The following MYG1 variants were observed in gnomAD, a reference collection of about 807,000 sequenced individuals.
MYG1 encodes UPF0160 protein MYG1, mitochondrial.
Under a neutral mutation model 43.5 loss-of-function variants are expected in MYG1, and 36 were observed. That is an observed-to-expected ratio of 0.83 (90% CI 0.63 to 1.09). MYG1 has a LOEUF of 1.09. MYG1 is among the 50% of genes least tolerant of loss of function. The probability of loss-of-function intolerance (pLI) is 0.00; values close to 1 mark genes in which losing one functional copy is unlikely to be tolerated. For synonymous variants in MYG1, 220 were observed against 202.8 expected (o/e 1.08, Z -0.72); for missense variants, 529 against 495.1 (o/e 1.07, Z -0.65).
chr12:53,307,048 C>A lies in MYG1; in HGVS notation c.1030C>A (p.His344Asn). The A allele has an allele frequency of 6.2e-7, 1 of 1,614,248 alleles. No homozygotes were observed. Among genetic ancestry groups the A allele is most frequent in the Non-Finnish European group, 8.5e-7 (1 of 1,180,046 alleles). ...TGGGATCCCTGGCTGCATCTTCGTC[C>A]ATGCAAGCGGCTTCACTGGCGGTCA... ...VSGIPGCIFV[H>N]ASGFTGGHHT... Residue 344 changes from histidine (H) to asparagine (N), a missense_variant, in exon 7 of 7, where the codon CAT becomes AAT. His to Asn is a moderately conservative substitution (Grantham distance 68). Transcript: ENST00000267103.
intron 2 of MYG1, among the ~76,000 whole-genome samples, chr12:53,302,156 A>G (rs534947108): frequency 6.6e-6 from 1 of 152,000 alleles, no homozygotes; most frequent in East Asian, 1.9e-4. Context: ...TAATTTTTCC[A>G]TTCTTAGTAG....
In MYG1 at chr12:53,301,634, A is replaced by T. The variant is rs180954364; in HGVS notation, c.329+1372A>T. ...CAGTTACCTCAGCACCAAACCAGGG[A>T]GCTGGTAAAGGGTCTCAACTGATCT... On this transcript the variant is annotated intron_variant, in intron 2 of 6. Transcript: ENST00000267103. Among the ~76,000 whole-genome samples the T allele has an allele frequency of 6.3e-4, 96 of 152,302 alleles. 1 individual carries two copies. The highest frequency in any genetic ancestry group is 2.2e-3 in the African/African-American group (93 of 41,564).
intron 2 of MYG1, among the ~76,000 whole-genome samples, chr12:53,300,989 G>T (rs1488319317): frequency 6.7e-6 from 1 of 149,176 alleles, no homozygotes; most frequent in Non-Finnish European, 1.5e-5. Context: ...GCACGATCTC[G>T]GCTCACTGCA....
In MYG1 at chr12:53,300,145, C is replaced by T; in HGVS notation, c.217-5C>T. 6.3e-7 allele frequency: 1 copy of T among 1,592,090 alleles called. No individual in the cohort carries two copies. Among genetic ancestry groups the T allele is most frequent in the Non-Finnish European group, 8.6e-7 (1 of 1,167,834 alleles). On this transcript the variant is annotated splice_region_variant and splice_polypyrimidine_tract_variant and intron_variant, in intron 1 of 6. Transcript: ENST00000267103. ...GCAGCCCCTTCACCCCTGTGTACCTCGCAGGATGCAGAGATTGTGCGGACC... is the reference window on the plus strand; with the variant it reads ...GCAGCCCCTTCACCCCTGTGTACCTTGCAGGATGCAGAGATTGTGCGGACC...
intron 2 of MYG1, 47 bp downstream of exon 2, chr12:53,300,309 C>T: frequency 7.2e-7 from 1 of 1,381,102 alleles, no homozygotes; most frequent in Admixed American, 2.5e-5. Context: ...CCTCAGCTTT[C>T]CTCTGTGCTC....
rs768424646 is a variant in MYG1 at position 53,300,154 on chromosome 12, C to T, written c.221C>T (p.Ala74Val). The change falls in exon 2 of 7, where the codon GCA becomes GTA. Residue 74 changes from alanine to valine, a missense_variant. Ala to Val is a moderately conservative substitution (Grantham distance 64). Transcript: ENST00000267103. Reference sequence around the variant, plus strand: ...TCACCCCTGTGTACCTCGCAGGATGCAGAGATTGTGCGGACCCGGGATCCC... The same window carrying T: ...TCACCCCTGTGTACCTCGCAGGATGTAGAGATTGTGCGGACCCGGGATCCC... ...LLRLLPEYRD[A>V]EIVRTRDPEK... 1.7e-5 allele frequency: 27 copies of T among 1,597,450 alleles called. No individual in the cohort carries two copies. The African/African-American group carries it at 3.6e-4, about 21-fold the overall frequency.
rs111635869 is a variant in MYG1 at position 53,300,636 on chromosome 12, C to T, written c.329+374C>T. ...ATGATTGTGGCAGTTGGTGACAGTT[C>T]AGATGTGTGAAGTTTTCTACTTCAT... On this transcript the variant is annotated intron_variant, in intron 2 of 6. Coordinates refer to ENST00000267103, the MANE Select transcript of MYG1 (RefSeq NM_021640.4). 3.3e-3 allele frequency among the ~76,000 whole-genome samples: 509 copies of T among 152,344 alleles called. 7 individuals are homozygous for T. Among genetic ancestry groups the T allele is most frequent in the South Asian group, 0.032 (154 of 4,834 alleles).
rs1159340945 is a variant in MYG1, at chr12:53,299,766, T to C, written c.29T>C (p.Leu10Ser). 13 of 1,613,712 alleles carry C rather than the reference T, an allele frequency of 8.1e-6. No individual in the cohort carries two copies. The Admixed American group carries it at 2.0e-4, about 25-fold the overall frequency. The change falls in exon 1 of 7, where the codon TTA (leucine) becomes TCA (serine). Residue 10 changes from leucine to serine, a missense_variant. Leu to Ser is a moderately radical substitution (Grantham distance 145, BLOSUM62 -2). Transcript: ENST00000267103. Reference sequence around the variant, plus strand: ...GGACACCAATTCCTGCGCGGCCTCTTAACGCTGCTGCTGCCGCCGCCACCC... The same window carrying C: ...GGACACCAATTCCTGCGCGGCCTCTCAACGCTGCTGCTGCCGCCGCCACCC... MGHQFLRGLLTLLLPPPPLY... is the reference protein window; with the variant it reads MGHQFLRGLSTLLLPPPPLY...
In MYG1 at chr12:53,299,764, C is replaced by G. The variant is rs1453856272; in HGVS notation, c.27C>G (p.Leu9=). 3 of 1,613,918 alleles carry G rather than the reference C, an allele frequency of 1.9e-6. No homozygotes were observed. Among genetic ancestry groups the G allele is most frequent in the African/African-American group, 1.3e-5 (1 of 75,030 alleles). Residue 9 remains leucine (L), a synonymous_variant, in exon 1 of 7, where the codon CTC becomes CTG. Transcript: ENST00000267103. The part of the protein sequence containing the change: MGHQFLRG[L]LTLLLPPPPL... ...TGGGACACCAATTCCTGCGCGGCCT[C>G]TTAACGCTGCTGCTGCCGCCGCCAC...
rs544826141 is a variant in MYG1, at chr12:53,304,811, C to G, written c.490-1097C>G. ...GTCTTGCTATGCTGCCCAGGCTGGA[C>G]TCAAAAACTCCTGGGCTCAAGTGAT... On this transcript the variant is annotated intron_variant, in intron 3 of 6. Coordinates refer to ENST00000267103, the MANE Select transcript of MYG1 (RefSeq NM_021640.4). Among the ~76,000 whole-genome samples the G allele has an allele frequency of 1.8e-3, 24 of 13,274 alleles. No individual in the cohort carries two copies. The East Asian group carries it at 0.38, about 207-fold the overall frequency. 8.7% of individuals were successfully genotyped at this position (13,274 alleles called of 152,430 possible).
At position 53,299,867 on chromosome 12, in the gene MYG1, C is replaced by T. The variant is rs567432764; in HGVS notation, c.130C>T (p.Pro44Ser). 1.9e-6 allele frequency: 3 copies of T among 1,614,240 alleles called. No homozygotes were observed. Among genetic ancestry groups the T allele is most frequent in the East Asian group, 2.2e-5 (1 of 44,878 alleles). The part of the protein sequence containing the change: ...PKRSRSKLMA[P>S]PRIGTHNGTF... ...ACGATCCCGCAGCAAACTCATGGCA[C>T]CGCCCCGAATCGGGACGCACAATGG... Residue 44 changes from proline to serine, a missense_variant, in exon 1 of 7, where the codon CCG (proline) becomes TCG (serine). Coordinates refer to ENST00000267103, the MANE Select transcript of MYG1 (RefSeq NM_021640.4).
Position 53,303,063 on chromosome 12 carries a change from C to G in MYG1, c.359C>G (p.Ser120Cys). 1.2e-6 allele frequency: 2 copies of G among 1,613,566 alleles called. No homozygotes were observed. Among genetic ancestry groups the G allele is most frequent in the Non-Finnish European group, 1.7e-6 (2 of 1,179,666 alleles). Residue 120 changes from serine (S) to cysteine (C), a missense_variant, in exon 3 of 7, where the codon TCC (serine) becomes TGC (cysteine). Coordinates refer to ENST00000267103, the MANE Select transcript of MYG1 (RefSeq NM_021640.4). ...RSFTETMSSL[S>C]PGKPWQTKLS... ...TTCACAGAGACCATGAGCTCCCTGT[C>G]CCCTGGGAAGCCGTGGCAGACCAAG...
At chr12:53,305,040 T>C (rs1027675162) in intron 3 of MYG1, among the ~76,000 whole-genome samples, 7 of 151,644 alleles carry the variant, frequency 4.6e-5, no homozygotes, top group African/African-American at 1.7e-4. Context: ...GGCTAATTTT[T>C]TGTATTTTTA....
intron 2 of MYG1, 121 bp from the exon 3 acceptor site, chr12:53,302,913 C>T: frequency 1.6e-6 from 2 of 1,214,832 alleles, no homozygotes. Context: ...GTTTTTTATC[C>T]TTAATGTCTA....
chr12:53,299,832 C>A lies in MYG1; in HGVS notation c.95C>A (p.Pro32Gln), dbSNP rs748236014. 1.9e-6 allele frequency: 3 copies of A among 1,614,182 alleles called. No individual in the cohort carries two copies. Among genetic ancestry groups the A allele is most frequent in the Non-Finnish European group, 2.5e-6 (3 of 1,180,024 alleles). Reference sequence around the variant, plus strand: ...CGCATGCTCGGTCCAGAGTCCGTCCCGCCCCCAAAACGATCCCGCAGCAAA... The same window carrying A: ...CGCATGCTCGGTCCAGAGTCCGTCCAGCCCCCAAAACGATCCCGCAGCAAA... Reference protein sequence around the residue: ...RHRMLGPESVPPPKRSRSKLM... With the variant: ...RHRMLGPESVQPPKRSRSKLM... The change falls in exon 1 of 7, where the codon CCG (proline) becomes CAG (glutamine). Residue 32 changes from proline (P) to glutamine (Q), a missense_variant. Coordinates refer to ENST00000267103, the MANE Select transcript of MYG1 (RefSeq NM_021640.4).
In MYG1 at chr12:53,299,930, C is replaced by T. The variant is rs550128329; in HGVS notation, c.193C>T (p.Leu65Phe). 2 of 1,614,232 alleles carry T rather than the reference C, an allele frequency of 1.2e-6. No homozygotes were observed. Among genetic ancestry groups the T allele is most frequent in the Admixed American group, 3.3e-5 (2 of 60,032 alleles). The change falls in exon 1 of 7, where the codon CTT (leucine) becomes TTT (phenylalanine). Residue 65 changes from leucine to phenylalanine, a missense_variant. Coordinates refer to ENST00000267103, the MANE Select transcript of MYG1 (RefSeq NM_021640.4). The stretch of plus-strand genomic sequence containing the variant: ...CGACGAGGCACTGGCATGCGCACTG[C>T]TTCGCCTCCTGCCGGAGTACCGGGT... Reference protein sequence around the residue: ...HCDEALACALLRLLPEYRDAE... With the variant: ...HCDEALACALFRLLPEYRDAE...
intron 3 of MYG1, among the ~76,000 whole-genome samples, chr12:53,304,962 A>G (rs6580944): frequency 0.94 from 138,916 of 147,270 alleles, 66,051 homozygotes; most frequent in East Asian, 1. Flanking sequence ...TGCGCCTCCC[A>G]GGTTCACGCC....
rs753491194 is a variant in MYG1, at chr12:53,305,972, G to A, written c.554G>A (p.Gly185Glu). 2 of 1,614,028 alleles carry A rather than the reference G, an allele frequency of 1.2e-6. No homozygotes were observed. The highest frequency in any genetic ancestry group is 1.7e-6 in the Non-Finnish European group (2 of 1,179,968). The change falls in exon 4 of 7, where the codon GGG becomes GAG. Residue 185 changes from glycine to glutamate, a missense_variant. By Grantham distance (98) the Gly-to-Glu change is moderately conservative. Coordinates refer to ENST00000267103, the MANE Select transcript of MYG1 (RefSeq NM_021640.4). Reference protein sequence around the residue: ...VDNGISQWAEGEPRYALTTTL... With the variant: ...VDNGISQWAEEEPRYALTTTL... Reference sequence around the variant, plus strand: ...AATGGGATCTCCCAGTGGGCAGAGGGGGAGCCTCGATATGCACTGACCACT... The same window carrying A: ...AATGGGATCTCCCAGTGGGCAGAGGAGGAGCCTCGATATGCACTGACCACT...
intron 1 of MYG1, 77 bp from the exon 2 acceptor site, chr12:53,300,073 C>G: frequency 6.6e-7 from 1 of 1,522,162 alleles, no homozygotes; most frequent in Non-Finnish European, 8.9e-7. Flanking sequence ...TCCTACCCTT[C>G]CTGCCTCCCT....
Sources: gnomAD v4.1 joint callset for allele counts (sites outside exome capture counted in the v4.1 genomes callset) on GRCh38, gnomAD v4.1.1 for gene constraint, MANE v1.5 for transcripts, NCBI Gene and HGNC (gene_info 2026-07-23, HGNC 2026-07-21) for gene names.